Variants in SEMA6D observed in about 807,000 individuals in gnomAD.
The protein encoded by SEMA6D is semaphorin-6D.
A neutral mutation model predicts 106.6 loss-of-function variants in SEMA6D; 35 were observed. That is an observed-to-expected ratio of 0.33 (90% CI 0.25 to 0.44). The LOEUF is 0.44. SEMA6D is among the 20% of genes least tolerant of loss of function. The pLI is 1.00. For missense variants in SEMA6D, 1,185 were observed against 1,345.9 expected (o/e 0.88, Z 1.87); for synonymous variants, 499 against 487.7 (o/e 1.02, Z -0.31).
intron 3 of SEMA6D, among the ~76,000 whole-genome samples, chr15:47,586,554 C>CAAATACAAATA (rs2076343935): frequency 6.6e-6 from 1 of 152,100 alleles, no homozygotes; most frequent in Admixed American, 6.6e-5. Flanking sequence ...CTTTGTTACA[C>CAAATACAAATA]AAATACAAAT....
At chr15:47,673,469 G>A (rs947098044) in intron 4 of SEMA6D, among the ~76,000 whole-genome samples, 17 of 152,072 alleles carry the variant, frequency 1.1e-4, no homozygotes, top group African/African-American at 2.4e-4. Context: ...CAGAATCCAC[G>A]TCTGGGAATG....
intron 4 of SEMA6D, among the ~76,000 whole-genome samples, chr15:47,635,438 G>A (rs2077370230): frequency 6.6e-6 from 1 of 152,130 alleles, no homozygotes; most frequent in Non-Finnish European, 1.5e-5. Flanking sequence ...AGGGTCCTTT[G>A]TTATCTCTAA....
At chr15:47,239,290 A>G (rs772958172) in intron 1 of SEMA6D, among the ~76,000 whole-genome samples, 5 of 152,282 alleles carry the variant, frequency 3.3e-5, no homozygotes, top group Admixed American at 6.5e-5. Context: ...CAGAGCTCCC[A>G]CTTATTCTAC....
chr15:47,694,518 T>C (rs1210455337), intron 4 of SEMA6D, among the ~76,000 whole-genome samples: 3 of 152,088 alleles, frequency 2.0e-5, no homozygotes, highest in African/African-American at 7.2e-5. Flanking sequence ...AGGAAAAGTC[T>C]TTCTTCCTGT....
intron 3 of SEMA6D, among the ~76,000 whole-genome samples, chr15:47,568,640 G>A (rs1414170498): frequency 6.6e-6 from 1 of 151,786 alleles, no homozygotes; most frequent in Non-Finnish European, 1.5e-5. Flanking sequence ...TTCATTTCTG[G>A]TGATGAGCAT....
chr15:47,458,100 A>G (rs896022871), intron 2 of SEMA6D, among the ~76,000 whole-genome samples: 2 of 152,018 alleles, frequency 1.3e-5, no homozygotes, highest in African/African-American at 2.4e-5. Context: ...GACAAACAAG[A>G]GCTGAAATCT....
intron 1 of SEMA6D, among the ~76,000 whole-genome samples, chr15:47,216,086 G>T: frequency 6.6e-6 from 1 of 152,048 alleles, no homozygotes. Context: ...CTTTGAAGAG[G>T]CAACTGATAC....
intron 1 of SEMA6D, among the ~76,000 whole-genome samples, chr15:47,343,172 G>GT (rs1366573380): frequency 1.3e-5 from 2 of 151,380 alleles, no homozygotes; most frequent in African/African-American, 2.4e-5. Flanking sequence ...AAAGTCTTCA[G>GT]TTTTTTTGCC....
intron 3 of SEMA6D, among the ~76,000 whole-genome samples, chr15:47,560,497 A>G (rs968677164): frequency 6.6e-6 from 1 of 152,062 alleles, no homozygotes; most frequent in Admixed American, 6.6e-5. Flanking sequence ...TGAAGTTGAG[A>G]ATAGAGATTA....
intron 1 of SEMA6D, among the ~76,000 whole-genome samples, chr15:47,284,975 G>A (rs2035295511): frequency 1.3e-5 from 2 of 152,190 alleles, no homozygotes; most frequent in African/African-American, 4.8e-5. Context: ...ATTCACGTCA[G>A]CTCTGCCTCA....
At chr15:47,639,208 A>C (rs1358684369) in intron 4 of SEMA6D, among the ~76,000 whole-genome samples, 1 of 152,208 alleles carries the variant, frequency 6.6e-6, no homozygotes, top group Non-Finnish European at 1.5e-5. Context: ...AGCCTGGTGC[A>C]TCTTGTAGTG....
At chr15:47,705,008 C>T (rs1455602501) in intron 4 of SEMA6D, among the ~76,000 whole-genome samples, 1 of 152,110 alleles carries the variant, frequency 6.6e-6, no homozygotes, top group Admixed American at 6.6e-5. Flanking sequence ...TGGTAAGCAT[C>T]TTTGTGTTAC....
chr15:47,567,995 A>G (rs1048418039), intron 3 of SEMA6D, among the ~76,000 whole-genome samples: 1 of 152,170 alleles, frequency 6.6e-6, no homozygotes, highest in Non-Finnish European at 1.5e-5. Context: ...GAGAGTTCCT[A>G]TTTACCACAA....
intron 1 of SEMA6D, among the ~76,000 whole-genome samples, chr15:47,250,980 C>G (rs2033483062): frequency 6.6e-6 from 1 of 152,186 alleles, no homozygotes; most frequent in Non-Finnish European, 1.5e-5. Context: ...GTTTTGGCAC[C>G]TTGCTTCACA....
At chr15:47,576,318 G>A (rs1454619305) in intron 3 of SEMA6D, among the ~76,000 whole-genome samples, 3 of 152,206 alleles carry the variant, frequency 2.0e-5, no homozygotes, top group Non-Finnish European at 4.4e-5. Flanking sequence ...CACAGGTAAA[G>A]GAGGCCAAGG....
At chr15:47,597,230 C>T (rs752505826) in intron 3 of SEMA6D, among the ~76,000 whole-genome samples, 6 of 151,796 alleles carry the variant, frequency 4.0e-5, no homozygotes, top group African/African-American at 9.7e-5. Flanking sequence ...CAAATATTGG[C>T]GAGGATGGGG....
At chr15:47,496,346 C>G (rs1286177568) in intron 3 of SEMA6D, among the ~76,000 whole-genome samples, 1 of 152,068 alleles carries the variant, frequency 6.6e-6, no homozygotes, top group Non-Finnish European at 1.5e-5. Flanking sequence ...AGTATTTACC[C>G]TTGGTGTGTT....
intron 1 of SEMA6D, among the ~76,000 whole-genome samples, chr15:47,267,619 A>G (rs866550724): frequency 6.6e-6 from 1 of 151,988 alleles, no homozygotes; most frequent in African/African-American, 2.4e-5. Context: ...TCACAATTCT[A>G]ATCTGGTTTT....
chr15:47,320,638 A>T (rs1405162525), intron 1 of SEMA6D, among the ~76,000 whole-genome samples: 1 of 152,148 alleles, frequency 6.6e-6, no homozygotes, highest in Non-Finnish European at 1.5e-5. Context: ...TACCTCTTTC[A>T]TGCTTTACTA....
Sources: gnomAD v4.1 joint callset for allele counts (sites outside exome capture counted in the v4.1 genomes callset) on GRCh38, gnomAD v4.1.1 for gene constraint, MANE v1.5 for transcripts, NCBI Gene and HGNC (gene_info 2026-07-23, HGNC 2026-07-21) for gene names.